The following RSU1 variants were observed in gnomAD, a reference collection of about 807,000 sequenced individuals.
RSU1 encodes the protein rsu-1.
Under a neutral mutation model 31.1 loss-of-function variants are expected in RSU1, and 26 were observed. That is an observed-to-expected ratio of 0.84 (90% CI 0.61 to 1.16). The LOEUF is 1.16. RSU1 is among the 50% of genes most tolerant of loss of function. The pLI, the probability that RSU1 is intolerant of heterozygous loss-of-function variation, is 0.00. For missense variants in RSU1, 320 were observed against 339.1 expected (o/e 0.94, Z 0.44); for synonymous variants, 164 against 136.3 (o/e 1.20, Z -1.41).
At chr10:16,678,994 G>C (rs1272876987) in intron 8 of RSU1, among the ~76,000 whole-genome samples, 2 of 151,984 alleles carry the variant, frequency 1.3e-5, no homozygotes, top group African/African-American at 4.8e-5. Flanking sequence ...ATTGGTTAAG[G>C]AAATGTTTCA....
chr10:16,627,508 C>A (rs1362708637), intron 8 of RSU1, among the ~76,000 whole-genome samples: 3 of 152,082 alleles, frequency 2.0e-5, no homozygotes, highest in African/African-American at 7.2e-5. Context: ...AATCCCAGCA[C>A]TTTGGGAGAC....
At chr10:16,605,969 T>C (rs1165781652) in intron 8 of RSU1, among the ~76,000 whole-genome samples, 1 of 152,052 alleles carries the variant, frequency 6.6e-6, no homozygotes, top group East Asian at 1.9e-4. Flanking sequence ...TAATTTTTTT[T>C]CATAAACACC....
At chr10:16,602,517 T>C (rs1446655127) in intron 8 of RSU1, among the ~76,000 whole-genome samples, 1 of 152,232 alleles carries the variant, frequency 6.6e-6, no homozygotes, top group Non-Finnish European at 1.5e-5. Flanking sequence ...TCTTAAGAAG[T>C]CTACCATTTT....
intron 8 of RSU1, among the ~76,000 whole-genome samples, chr10:16,676,900 T>C (rs1056848358): frequency 2.6e-5 from 4 of 151,952 alleles, no homozygotes; most frequent in Admixed American, 1.3e-4. Flanking sequence ...AGATAAGGGG[T>C]TGCTAAATTA....
chr10:16,747,513 T>C (rs1300487191), intron 7 of RSU1, among the ~76,000 whole-genome samples: 2 of 152,082 alleles, frequency 1.3e-5, no homozygotes, highest in Admixed American at 1.3e-4. Flanking sequence ...ACCTTAACTC[T>C]CTCACCCCTC....
intron 8 of RSU1, among the ~76,000 whole-genome samples, chr10:16,624,864 AG>A (rs1166447218): frequency 2.0e-5 from 3 of 152,160 alleles, no homozygotes; most frequent in African/African-American, 2.4e-5. Context: ...CTCCCGTCAC[AG>A]GTTCCTAAGA....
intron 8 of RSU1, among the ~76,000 whole-genome samples, chr10:16,596,333 C>CAGAT (rs1166029558): frequency 6.6e-6 from 1 of 152,206 alleles, no homozygotes; most frequent in African/African-American, 2.4e-5. Flanking sequence ...CCAGACACAA[C>CAGAT]AGATAGGCAG....
chr10:16,703,123 C>T (rs1468249567), intron 7 of RSU1, among the ~76,000 whole-genome samples: 1 of 152,166 alleles, frequency 6.6e-6, no homozygotes, highest in African/African-American at 2.4e-5. Context: ...TTGCCTTCTG[C>T]CATGATTTTA....
intron 7 of RSU1, among the ~76,000 whole-genome samples, chr10:16,736,149 G>A (rs547319101): frequency 1.3e-5 from 2 of 152,234 alleles, no homozygotes; most frequent in South Asian, 2.1e-4. Context: ...AAGAGGCCCA[G>A]AAAGCTGCAC....
At chr10:16,700,489 G>T (rs1441907865) in intron 7 of RSU1, among the ~76,000 whole-genome samples, 1 of 152,064 alleles carries the variant, frequency 6.6e-6, no homozygotes, top group African/African-American at 2.4e-5. Flanking sequence ...TCCTCACATG[G>T]AAGCTAACCA....
intron 7 of RSU1, among the ~76,000 whole-genome samples, chr10:16,702,784 C>T (rs1019132229): frequency 6.6e-6 from 1 of 152,140 alleles, no homozygotes; most frequent in African/African-American, 2.4e-5. Flanking sequence ...TGAGTTAAGA[C>T]TTTGGGGGAC....
intron 7 of RSU1, among the ~76,000 whole-genome samples, chr10:16,722,858 A>G (rs1564332464): frequency 7.6e-6 from 1 of 131,516 alleles, no homozygotes; most frequent in Non-Finnish European, 1.7e-5. Flanking sequence ...ACACACATAT[A>G]TACATATATG....
intron 8 of RSU1, among the ~76,000 whole-genome samples, chr10:16,615,204 G>T (rs1367811679): frequency 6.6e-6 from 1 of 150,718 alleles, no homozygotes; most frequent in Non-Finnish European, 1.5e-5. Context: ...TAAGCAAATG[G>T]AGAGAAAAAA....
intron 8 of RSU1, among the ~76,000 whole-genome samples, chr10:16,631,599 A>AC (rs1834250509): frequency 6.6e-6 from 1 of 152,208 alleles, no homozygotes; most frequent in African/African-American, 2.4e-5. Context: ...TGCCATTTTC[A>AC]TTTTAAAAGT....
At chr10:16,595,664 C>A (rs1399617944) in intron 8 of RSU1, among the ~76,000 whole-genome samples, 3 of 152,286 alleles carry the variant, frequency 2.0e-5, no homozygotes, top group East Asian at 1.9e-4. Context: ...TCCTGACCAG[C>A]CCGGCTGTGC....
At chr10:16,788,883 T>G (rs569483292) in intron 2 of RSU1, among the ~76,000 whole-genome samples, 1 of 152,130 alleles carries the variant, frequency 6.6e-6, no homozygotes, top group Admixed American at 6.5e-5. Flanking sequence ...AAATTAGGGG[T>G]TTTATTACCA....
intron 7 of RSU1, among the ~76,000 whole-genome samples, chr10:16,702,187 A>T (rs1262274551): frequency 6.6e-6 from 1 of 152,214 alleles, no homozygotes; most frequent in East Asian, 1.9e-4. Flanking sequence ...TGTAGGGAAA[A>T]GCCTGGATGT....
intron 7 of RSU1, among the ~76,000 whole-genome samples, chr10:16,724,544 A>G (rs1023901238): frequency 6.6e-6 from 1 of 152,242 alleles, no homozygotes; most frequent in African/African-American, 2.4e-5. Context: ...CTGAGTGAGA[A>G]CATACTAAAA....
intron 3 of RSU1, among the ~76,000 whole-genome samples, chr10:16,768,499 C>T (rs961889990): frequency 3.1e-4 from 40 of 127,580 alleles, no homozygotes; most frequent in African/African-American, 1.4e-3. Context: ...TCCCAGAGGA[C>T]TCAGATATCC....
Sources: gnomAD v4.1 joint callset for allele counts (sites outside exome capture counted in the v4.1 genomes callset) on GRCh38, gnomAD v4.1.1 for gene constraint, MANE v1.5 for transcripts, NCBI Gene and HGNC (gene_info 2026-07-23, HGNC 2026-07-21) for gene names.